The following VAX2 variants were observed in gnomAD, a reference collection of about 807,000 sequenced individuals.
VAX2 encodes ventral anterior homeobox 2.
Under a neutral mutation model 12.5 loss-of-function variants are expected in VAX2, and 8 were observed. That is an observed-to-expected ratio of 0.64 (90% confidence interval 0.37 to 1.15). The LOEUF (loss-of-function observed/expected upper bound fraction) is 1.15. Ranked by LOEUF, VAX2 falls within the 50% of genes most tolerant of loss-of-function variation. The pLI is 0.01. For missense variants in VAX2, 476 were observed against 412.9 expected (o/e 1.15, Z -1.32); for synonymous variants, 183 against 187.6 (o/e 0.98, Z 0.20).
intron 1 of VAX2, among the ~76,000 whole-genome samples, chr2:70,908,674 T>A (rs1320028343): frequency 1.3e-5 from 2 of 152,254 alleles, no homozygotes; most frequent in African/African-American, 4.8e-5. Context: ...TCAGAGAAGT[T>A]CCTAAAAGTG....
intron 2 of VAX2, among the ~76,000 whole-genome samples, chr2:70,931,014 G>C (rs1003542630): frequency 6.6e-6 from 1 of 152,140 alleles, no homozygotes; most frequent in Non-Finnish European, 1.5e-5. Context: ...AGTTTCTGGA[G>C]TGGGGCATGA....
intron 1 of VAX2, among the ~76,000 whole-genome samples, chr2:70,914,220 G>C (rs1407718207): frequency 7.2e-5 from 11 of 152,144 alleles, no homozygotes; most frequent in Non-Finnish European, 1.6e-4. Context: ...GGCCAAGGTG[G>C]GTGGATCACT....
At chr2:70,909,952 C>G (rs1679146607) in intron 1 of VAX2, among the ~76,000 whole-genome samples, 2 of 151,972 alleles carry the variant, frequency 1.3e-5, no homozygotes, top group South Asian at 4.2e-4. Flanking sequence ...TCATTTATAC[C>G]ATAGAATGAG....
intron 1 of VAX2, 42 bp from the exon 2 acceptor site, chr2:70,921,056 C>G (rs782067588): frequency 1.3e-6 from 2 of 1,503,692 alleles, no homozygotes; most frequent in Non-Finnish European, 8.9e-7. Context: ...ATCTAACTCC[C>G]TAGCTAATGA....
At chr2:70,915,357 G>A (rs1205461825) in intron 1 of VAX2, among the ~76,000 whole-genome samples, 1 of 151,790 alleles carries the variant, frequency 6.6e-6, no homozygotes, top group Non-Finnish European at 1.5e-5. Context: ...AGCCTCCCAA[G>A]TAGCTGGATT....
Position 70,914,217 on chromosome 2 carries a change from G to A in VAX2, c.248-6881G>A, listed in dbSNP as rs782156979. Among the ~76,000 whole-genome samples, 48 of 152,206 alleles carry A rather than the reference G, an allele frequency of 3.2e-4. 1 individual carries two copies. The highest frequency in any genetic ancestry group is 2.7e-3 in the Admixed American group (42 of 15,280). ...AATCCCAGCATTTTGGGAGGCCAAG[G>A]TGGGTGGATCACTTGAGGTCAAGAG... On this transcript the variant is annotated intron_variant, in intron 1 of 2. Coordinates refer to ENST00000234392, the MANE Select transcript of VAX2 (RefSeq NM_012476.3).
intron 1 of VAX2, among the ~76,000 whole-genome samples, chr2:70,901,437 C>T (rs994096215): frequency 6.6e-6 from 1 of 152,248 alleles, no homozygotes; most frequent in Non-Finnish European, 1.5e-5. Context: ...CTGTGCTTCA[C>T]TCTCTCGGTT....
intron 2 of VAX2, among the ~76,000 whole-genome samples, chr2:70,926,839 T>A (rs1553413605): frequency 6.6e-6 from 1 of 151,624 alleles, no homozygotes. Flanking sequence ...AACAAAACTA[T>A]GAGGAAGAGT....
chr2:70,907,596 C>A (rs782321317), intron 1 of VAX2, among the ~76,000 whole-genome samples: 2 of 152,242 alleles, frequency 1.3e-5, no homozygotes, highest in Non-Finnish European at 2.9e-5. Flanking sequence ...GGCAGCCCAC[C>A]GCGTCCACCC....
At chr2:70,906,732 C>G (rs1679071509) in intron 1 of VAX2, among the ~76,000 whole-genome samples, 1 of 152,072 alleles carries the variant, frequency 6.6e-6, no homozygotes, top group South Asian at 2.1e-4. Context: ...TGCGTACTCA[C>G]TGTGTGCCAG....
chr2:70,902,530 G>T (rs145017939), intron 1 of VAX2, among the ~76,000 whole-genome samples: 35 of 152,262 alleles, frequency 2.3e-4, no homozygotes, highest in African/African-American at 7.0e-4. Context: ...CATTCCCAGG[G>T]GAGGATCTAA....
rs1457643168 is a variant in VAX2 at position 70,904,310 on chromosome 2, C to T, written c.247+3442C>T. Among the ~76,000 whole-genome samples the T allele has an allele frequency of 6.6e-6, 1 of 152,156 alleles. No homozygotes were observed. Among genetic ancestry groups the T allele is most frequent in the African/African-American group, 2.4e-5 (1 of 41,454 alleles). On this transcript the variant is annotated intron_variant, in intron 1 of 2. Coordinates refer to ENST00000234392, the MANE Select transcript of VAX2 (RefSeq NM_012476.3). The surrounding 1 kb of genome is among the most constrained non-coding windows in gnomAD (Gnocchi z 4.2). ...GGCTCAAACAGCACAGGGCAGTGGC[C>T]GAGCACCAGGCTTTTCGGTGGAGCT... is the stretch of plus-strand genomic sequence containing the variant.
intron 1 of VAX2, among the ~76,000 whole-genome samples, chr2:70,918,824 A>C (rs1289493959): frequency 7.0e-6 from 1 of 142,930 alleles, no homozygotes; most frequent in Non-Finnish European, 1.5e-5. Flanking sequence ...TGAACCCTGG[A>C]GGCAGAGCTG....
intron 1 of VAX2, among the ~76,000 whole-genome samples, chr2:70,910,429 C>T (rs1679156021): frequency 6.6e-6 from 1 of 151,952 alleles, no homozygotes; most frequent in Admixed American, 6.6e-5. Context: ...ATAGTATTTC[C>T]AAATTTTATA....
At chr2:70,908,969 A>G (rs1468061220) in intron 1 of VAX2, among the ~76,000 whole-genome samples, 1 of 152,026 alleles carries the variant, frequency 6.6e-6, no homozygotes, top group Non-Finnish European at 1.5e-5. Context: ...AGCCAGTTGT[A>G]TTTCTTCTAT....
Position 70,907,346 on chromosome 2 carries a change from CCGGCTTTCGGCTTT to C in VAX2, c.247+6490_247+6503del, listed in dbSNP as rs369292100. Among the ~76,000 whole-genome samples the C allele has an allele frequency of 2.6e-5, 4 of 152,374 alleles. No individual in the cohort carries two copies. The East Asian group carries it at 5.8e-4, about 22-fold the overall frequency. On this transcript the variant is annotated intron_variant, in intron 1 of 2. Coordinates refer to ENST00000234392, the MANE Select transcript of VAX2 (RefSeq NM_012476.3). ...GCTCGTAAAGTCAATGGTGAGTCTC[CCGGCTTTCGGCTTT>C]CGGCTTTCGGCGGCAGCCGGGTGTG...
intron 1 of VAX2, among the ~76,000 whole-genome samples, chr2:70,903,364 C>G (rs1170917265): frequency 1.3e-5 from 2 of 152,206 alleles, no homozygotes; most frequent in Non-Finnish European, 2.9e-5. Flanking sequence ...GGCCTCACCC[C>G]TTCTGGGTCC....
intron 1 of VAX2, among the ~76,000 whole-genome samples, chr2:70,920,434 G>C (rs1269452260): frequency 1.3e-5 from 2 of 152,114 alleles, no homozygotes; most frequent in African/African-American, 2.4e-5. Context: ...TGGCCCTGCT[G>C]TTCAGGACTA....
At chr2:70,920,639 GCACAGA>G (rs1330306769) in intron 1 of VAX2, among the ~76,000 whole-genome samples, 2 of 72,884 alleles carry the variant, frequency 2.7e-5, no homozygotes, top group African/African-American at 1.7e-4. Context: ...ATGCATGCAT[GCACAGA>G]CACACACACA....
Sources: gnomAD v4.1 joint callset for allele counts (sites outside exome capture counted in the v4.1 genomes callset) on GRCh38, gnomAD v4.1.1 for gene constraint, Gnocchi (gnomAD v3.1) non-coding constraint, MANE v1.5 for transcripts, NCBI Gene and HGNC (gene_info 2026-07-23, HGNC 2026-07-21) for gene names.